The following TWF1 variants were observed in gnomAD, a reference collection of about 807,000 sequenced individuals.
The protein encoded by TWF1 is twinfilin-1.
TWF1 carries 14 observed loss-of-function variants against 47.9 expected under a neutral mutation model. The ratio of observed to expected loss-of-function variants is 0.29; its 90% CI spans 0.19 to 0.46. The LOEUF (loss-of-function observed/expected upper bound fraction) is 0.46, where lower values mean the gene tolerates loss of function less well. Ranked by LOEUF, TWF1 falls within the 20% of genes least tolerant of loss-of-function variation. The pLI is 1.00. For synonymous variants in TWF1, 96 were observed against 139.2 expected (o/e 0.69, Z 2.18); for missense variants, 281 against 409.3 (o/e 0.69, Z 2.70).
At position 43,800,417 on chromosome 12, in the gene TWF1, CACAT is replaced by C. The variant is rs1424635542; in HGVS notation, c.378+14_378+17del. On this transcript the variant is annotated intron_variant, in intron 4 of 8. Transcript: ENST00000395510. ...CATTTTAATTGCAACATATAGAATC[CACAT>C]ACAAACATAATACCTTTACTGTTCC... 1 of 1,580,690 alleles carries C rather than the reference CACAT, an allele frequency of 6.3e-7. No individual in the cohort carries two copies. Among genetic ancestry groups the C allele is most frequent in the African/African-American group, 1.4e-5 (1 of 73,938 alleles).
In TWF1 at chr12:43,794,703, C is replaced by A. The variant is rs907708788; in HGVS notation, c.*882G>T. On this transcript the variant is annotated 3_prime_UTR_variant, in exon 9 of 9. Coordinates refer to ENST00000395510, the MANE Select transcript of TWF1 (RefSeq NM_002822.5). Reference sequence around the variant, plus strand: ...TTATTAAGGTGTTTATCTACGTTAGCCTGTTAAGTACCAGGACTTTAAAGT... The same window carrying A: ...TTATTAAGGTGTTTATCTACGTTAGACTGTTAAGTACCAGGACTTTAAAGT... 4.0e-5 allele frequency: 6 copies of A among 151,810 alleles called. No homozygotes were observed. Among genetic ancestry groups the A allele is most frequent in the Admixed American group, 1.3e-4 (2 of 15,212 alleles). 9.4% of individuals were successfully genotyped at this position (151,810 alleles called of 1,614,324 possible).
chr12:43,804,459 C>A lies in TWF1; in HGVS notation c.103+36G>T, dbSNP rs554910473. The A allele has an allele frequency of 6.0e-5, 81 of 1,343,494 alleles. No individual in the cohort carries two copies. In the South Asian group the frequency reaches 9.9e-4, roughly 16 times the overall value. 83.2% of individuals were successfully genotyped at this position (1,343,494 alleles called of 1,614,324 possible). A position where few individuals can be genotyped will look rare whatever the true frequency, so the allele number is the denominator to read the frequency against. On this transcript the variant is annotated intron_variant, in intron 2 of 8. Transcript: ENST00000395510. ...GTTTAAAAATACAACAGCCACTAAT[C>A]CAGGAACAGAAAATATTTTAAAATA... is the stretch of plus-strand genomic sequence containing the variant.
intron 2 of TWF1, among the ~76,000 whole-genome samples, chr12:43,803,103 A>G (rs1207753455): frequency 1.3e-5 from 2 of 152,216 alleles, no homozygotes; most frequent in South Asian, 2.1e-4. Context: ...ATGTTCATCA[A>G]TAAGACAATG....
At position 43,806,024 on chromosome 12, in the gene TWF1, G is replaced by C. The variant is rs772799526; in HGVS notation, c.25+197C>G. The C allele has an allele frequency of 1.1e-5, 17 of 1,521,454 alleles. No homozygotes were observed. In the Admixed American group the frequency reaches 2.4e-4, roughly 21 times the overall value. 94.2% of individuals were successfully genotyped at this position (1,521,454 alleles called of 1,614,324 possible). A position where few individuals can be genotyped will look rare whatever the true frequency, so the allele number is the denominator to read the frequency against. On this transcript the variant is annotated intron_variant, in intron 1 of 8. Transcript: ENST00000395510. ...CAATCTGCAACGTGACGGCAGCAGG[G>C]ACCGGGCTGGAGGAGGACGCAGGCC...
chr12:43,800,421 T>A lies in TWF1; in HGVS notation c.378+14A>T. 3 of 1,596,730 alleles carry A rather than the reference T, an allele frequency of 1.9e-6. No individual in the cohort carries two copies. The highest frequency in any genetic ancestry group is 2.2e-5 in the South Asian group (2 of 89,774). On this transcript the variant is annotated intron_variant, in intron 4 of 8. Coordinates refer to ENST00000395510, the MANE Select transcript of TWF1 (RefSeq NM_002822.5). ...TTAATTGCAACATATAGAATCCACATACAAACATAATACCTTTACTGTTCC... is the reference window on the plus strand; with the variant it reads ...TTAATTGCAACATATAGAATCCACAAACAAACATAATACCTTTACTGTTCC...
rs79591009 is a variant in TWF1 at position 43,805,773 on chromosome 12, C to A, written c.25+448G>T. The A allele has an allele frequency of 6.7e-6, 9 of 1,349,428 alleles. No homozygotes were observed. In the East Asian group the frequency reaches 3.6e-4, roughly 54 times the overall value. 83.6% of individuals were successfully genotyped at this position (1,349,428 alleles called of 1,614,324 possible). On this transcript the variant is annotated intron_variant, in intron 1 of 8. Coordinates refer to ENST00000395510, the MANE Select transcript of TWF1 (RefSeq NM_002822.5). The stretch of plus-strand genomic sequence containing the variant: ...ATGTGAGAAAGATTCTGGCATGGTT[C>A]TTTTTGTAATCAAAGTCCTGTAATA...
At position 43,795,753 on chromosome 12, in the gene TWF1, G is replaced by C; in HGVS notation, c.885C>G (p.Ile295Met). The stretch of plus-strand genomic sequence containing the variant: ...TCAACTCATCCCCATTGTCTATCTC[G>C]ATCTGTAAAAGATAAAATTAGAAGC... Reference protein sequence around the residue: ...RQLQMDVIRKIEIDNGDELTA... With the variant: ...RQLQMDVIRKMEIDNGDELTA... Residue 295 changes from isoleucine to methionine, a missense_variant and splice_region_variant, in exon 9 of 9, where the codon ATC (isoleucine) becomes ATG (methionine). Coordinates refer to ENST00000395510, the MANE Select transcript of TWF1 (RefSeq NM_002822.5). 6.2e-7 allele frequency: 1 copy of C among 1,612,666 alleles called. No homozygotes were observed. Among genetic ancestry groups the C allele is most frequent in the Non-Finnish European group, 8.5e-7 (1 of 1,179,370 alleles).
At chr12:43,798,448 G>T in intron 5 of TWF1, 1 of 926,108 alleles carries the variant, frequency 1.1e-6, no homozygotes, top group Non-Finnish European at 1.5e-6. Context: ...AGTCTCATTC[G>T]CAGTGTTGCA....
At chr12:43,796,135 C>T (rs1942546255) in intron 8 of TWF1, among the ~76,000 whole-genome samples, 1 of 152,134 alleles carries the variant, frequency 6.6e-6, no homozygotes, top group African/African-American at 2.4e-5. Flanking sequence ...GGCCCGAAGG[C>T]CAAATCTTGC....
chr12:43,800,699 A>G (rs1430529358), intron 3 of TWF1, among the ~76,000 whole-genome samples, 169 bp from the exon 4 acceptor site: 2 of 152,202 alleles, frequency 1.3e-5, no homozygotes, highest in Non-Finnish European at 1.5e-5. Flanking sequence ...CGTCATTAAC[A>G]TGGGCATCTA....
chr12:43,796,860 G>C (rs2138128789), intron 8 of TWF1, 116 bp downstream of exon 8: 3 of 1,133,610 alleles, frequency 2.6e-6, no homozygotes, highest in South Asian at 2.9e-5. Flanking sequence ...TAAGGATTTA[G>C]GATGATAACA....
chr12:43,798,421 A>G, intron 5 of TWF1: 1 of 687,966 alleles, frequency 1.5e-6, no homozygotes, highest in South Asian at 2.7e-5. Flanking sequence ...ATACTTGATA[A>G]ATGATAGCTA....
intron 3 of TWF1, 30 bp from the exon 4 acceptor site, chr12:43,800,560 A>G: frequency 2.0e-6 from 3 of 1,534,994 alleles, no homozygotes; most frequent in African/African-American, 1.4e-5. Flanking sequence ...TACTTAGTTT[A>G]TAGATGAAAA....
chr12:43,806,148 G>C (rs1263373194), intron 1 of TWF1, 73 bp downstream of exon 1: 2 of 1,490,136 alleles, frequency 1.3e-6, no homozygotes, highest in Non-Finnish European at 9.0e-7. Context: ...AGCCCTGCCG[G>C]TCCTGCAGCC....
rs1942510773 is a variant in TWF1, at chr12:43,794,195, T to TAA, written c.*1388_*1389dup. The TAA allele has an allele frequency of 6.6e-6, 1 of 152,648 alleles. No individual in the cohort carries two copies. The highest frequency in any genetic ancestry group is 1.5e-5 in the Non-Finnish European group (1 of 68,038). 9.5% of individuals were successfully genotyped at this position (152,648 alleles called of 1,614,324 possible). A position where few individuals can be genotyped will look rare whatever the true frequency, so the allele number is the denominator to read the frequency against. ...CCCATGGAACAACTTATATCTTTAG[T>TAA]AAACAAGTGCAACATTATTGTCAGT... is the stretch of plus-strand genomic sequence containing the variant. On this transcript the variant is annotated 3_prime_UTR_variant, in exon 9 of 9. Coordinates refer to ENST00000395510, the MANE Select transcript of TWF1 (RefSeq NM_002822.5).
chr12:43,801,759 G>A (rs1369089293), intron 3 of TWF1, among the ~76,000 whole-genome samples: 1 of 152,218 alleles, frequency 6.6e-6, no homozygotes, highest in Non-Finnish European at 1.5e-5. Flanking sequence ...GTTGGACACA[G>A]TGGCTCATAC....
chr12:43,802,502 TTGAGA>T, intron 2 of TWF1, 38 bp from the exon 3 acceptor site: 1 of 1,477,124 alleles, frequency 6.8e-7, no homozygotes, highest in Non-Finnish European at 9.4e-7. Flanking sequence ...GGTAAATGGT[TTGAGA>T]TATCAAGTGG....
intron 1 of TWF1, among the ~76,000 whole-genome samples, chr12:43,804,774 T>C (rs1030919684): frequency 7.2e-5 from 11 of 152,348 alleles, no homozygotes; most frequent in Admixed American, 4.6e-4. Context: ...TTTAAAAGTA[T>C]GTTAATAATT....
At chr12:43,805,660 C>T (rs1179314171) in intron 1 of TWF1, 4 of 645,052 alleles carry the variant, frequency 6.2e-6, no homozygotes, top group Non-Finnish European at 1.0e-5. Flanking sequence ...TCAAAACACA[C>T]GCTTACACTC....
Sources: allele counts gnomAD v4.1 joint callset (sites outside exome capture counted in the v4.1 genomes callset), GRCh38; gene constraint gnomAD v4.1.1; transcripts MANE v1.5; gene names NCBI Gene and HGNC (gene_info 2026-07-23, HGNC 2026-07-21).